DDO: variants seen among roughly 807,000 people sequenced by gnomAD.
DDO encodes the protein D-aspartate oxidase, DDO.
Under a neutral mutation model 16.8 loss-of-function variants are expected in DDO, and 16 were observed. The ratio of observed to expected loss-of-function variants is 0.95; its 90% CI spans 0.65 to 1.45. The LOEUF (loss-of-function observed/expected upper bound fraction) is 1.45. DDO is among the 40% of genes most tolerant of loss of function. The pLI is 0.00. For synonymous variants in DDO, 180 were observed against 167.2 expected (o/e 1.08, Z -0.59); for missense variants, 429 against 420.3 (o/e 1.02, Z -0.18).
intron 4 of DDO, among the ~76,000 whole-genome samples, chr6:110,396,758 A>G (rs1428568608): frequency 6.6e-6 from 1 of 152,206 alleles, no homozygotes; most frequent in Non-Finnish European, 1.5e-5. Flanking sequence ...AAAGTACTAA[A>G]TATAGCAAAT....
At chr6:110,395,371 C>G (rs1398597660) in intron 4 of DDO, among the ~76,000 whole-genome samples, 1 of 152,040 alleles carries the variant, frequency 6.6e-6, no homozygotes, top group East Asian at 1.9e-4. Flanking sequence ...GCCTGCTGGC[C>G]TTTGGACTAG....
rs371157893 is a variant in DDO at position 110,393,659 on chromosome 6, G to T, written c.459-317C>A. On this transcript the variant is annotated intron_variant, in intron 4 of 4. Coordinates refer to ENST00000368924, the MANE Select transcript of DDO (RefSeq NM_001372108.2). ...TGCTGAATAAATGCCAAGTTGATTT[G>T]GTATTTTAAATGTCCAAGCATTTCT... Among the ~76,000 whole-genome samples the T allele has an allele frequency of 1.3e-4, 20 of 152,206 alleles. No individual in the cohort carries two copies. The East Asian group carries it at 3.1e-3, about 23-fold the overall frequency.
At chr6:110,391,376 G>A (rs1773096509), downstream of DDO, among the ~76,000 whole-genome samples, 1 of 142,044 alleles carries the variant, frequency 7.0e-6, no homozygotes, top group African/African-American at 2.6e-5. Context: ...TTGAGACGGA[G>A]TCTTGCTCTG....
chr6:110,392,112 A>T lies in DDO; in HGVS notation c.*663T>A. The T allele has an allele frequency of 2.2e-6, 2 of 900,106 alleles. No individual in the cohort carries two copies. The highest frequency in any genetic ancestry group is 2.7e-6 in the Non-Finnish European group (2 of 752,080). The allele number at this position is 900,106 out of a possible 1,614,324, so 55.8% of individuals were successfully genotyped here. ...ACCATCATTACCAGCTGAGGGGAGG[A>T]AAAGCTTGCTGCTAGTACTAGGAGC... On this transcript the variant is annotated 3_prime_UTR_variant, in exon 5 of 5. Coordinates refer to ENST00000368924, the MANE Select transcript of DDO (RefSeq NM_001372108.2).
Position 110,413,355 on chromosome 6 carries a change from G to C in DDO, c.108C>G (p.Asp36Glu). 3 of 1,614,164 alleles carry C rather than the reference G, an allele frequency of 1.9e-6. No individual in the cohort carries two copies. The highest frequency in any genetic ancestry group is 1.7e-6 in the Non-Finnish European group (2 of 1,180,030). ...VPRCSVTIISDKFTPDTTSDV... is the reference protein window; with the variant it reads ...VPRCSVTIISEKFTPDTTSDV... ...CACTGGTGGTATCTGGAGTAAACTT[G>C]TCTGAAATGATGGTAACGGAGCATC... The change falls in exon 2 of 5, where the codon GAC (aspartate) becomes GAG (glutamate). Residue 36 changes from aspartate to glutamate, a missense_variant. Transcript: ENST00000368924.
intron 2 of DDO, among the ~76,000 whole-genome samples, 159 bp downstream of exon 2, chr6:110,413,132 G>A (rs190289180): frequency 6.6e-6 from 1 of 152,056 alleles, no homozygotes; most frequent in East Asian, 1.9e-4. Context: ...GACAGAGTGA[G>A]ACCCTGTCTC....
chr6:110,408,514 C>A, intron 2 of DDO, 72 bp from the exon 3 acceptor site: 4 of 1,376,506 alleles, frequency 2.9e-6, no homozygotes, highest in Admixed American at 2.1e-5. Flanking sequence ...CAAATAAGCT[C>A]CTTCCTAGAA....
rs184244318 is a variant in DDO, at chr6:110,392,478, C to A, written c.*297G>T. The A allele has an allele frequency of 7.3e-6, 8 of 1,101,382 alleles. No individual in the cohort carries two copies. Among genetic ancestry groups the A allele is most frequent in the Non-Finnish European group, 6.6e-6 (6 of 906,354 alleles). 68.2% of individuals were successfully genotyped at this position (1,101,382 alleles called of 1,614,324 possible). ...ATGCTGGACTTCCTAAGTAAGCCTA[C>A]ATGTTGCATCATTTCTTTTGTTGTT... On this transcript the variant is annotated 3_prime_UTR_variant, in exon 5 of 5. Coordinates refer to ENST00000368924, the MANE Select transcript of DDO (RefSeq NM_001372108.2).
At chr6:110,397,407 T>C (rs1195277154) in intron 4 of DDO, among the ~76,000 whole-genome samples, 1 of 152,232 alleles carries the variant, frequency 6.6e-6, no homozygotes. Flanking sequence ...TTTTAAATTC[T>C]TACATTGTAG....
intron 2 of DDO, among the ~76,000 whole-genome samples, chr6:110,409,316 G>A (rs550721083): frequency 7.9e-5 from 12 of 152,334 alleles, no homozygotes; most frequent in Non-Finnish European, 1.0e-4. Flanking sequence ...GTATGTGGCC[G>A]TCTGATTCCT....
Position 110,392,968 on chromosome 6 carries a change from C to T in DDO, c.833G>A (p.Arg278Lys), listed in dbSNP as rs910427522. 2.5e-6 allele frequency: 4 copies of T among 1,613,514 alleles called. No individual in the cohort carries two copies. Among genetic ancestry groups the T allele is most frequent in the Admixed American group, 1.7e-5 (1 of 60,000 alleles). The change falls in exon 5 of 5, where the codon AGG becomes AAG. Residue 278 changes from arginine (R) to lysine (K), a missense_variant. Coordinates refer to ENST00000368924, the MANE Select transcript of DDO (RefSeq NM_001372108.2). Reference sequence around the variant, plus strand: ...CAGTCGCACGCCTGGCCTGTAGGGCCTCAAGCCCACCTTCTCCCTGATGTT... The same window carrying T: ...CAGTCGCACGCCTGGCCTGTAGGGCTTCAAGCCCACCTTCTCCCTGATGTT... ...ACNIREKVGL[R>K]PYRPGVRLQT...
At chr6:110,399,767 A>G (rs978928508) in intron 4 of DDO, among the ~76,000 whole-genome samples, 1 of 152,236 alleles carries the variant, frequency 6.6e-6, no homozygotes, top group South Asian at 2.1e-4. Context: ...GCCAGGTCTC[A>G]GGAGCACAAG....
At chr6:110,406,818 G>A (rs1773673202) in intron 3 of DDO, among the ~76,000 whole-genome samples, 2 of 151,992 alleles carry the variant, frequency 1.3e-5, no homozygotes, top group Non-Finnish European at 2.9e-5. Flanking sequence ...CCTTGATCTG[G>A]ATGGCTTCTC....
intron 4 of DDO, among the ~76,000 whole-genome samples, chr6:110,398,381 C>A (rs1582474508): frequency 9.3e-6 from 1 of 107,622 alleles, no homozygotes; most frequent in Admixed American, 1.0e-4. Flanking sequence ...ATCTTAAATG[C>A]GTACACACAC....
rs756093969 is a variant in DDO, at chr6:110,413,456, T to C, written c.7A>G (p.Thr3Ala). ...GCCCCGACAACTGCAATCCGTGCTG[T>C]GTCCATGAGCCTGTGAGGAGGGAAA... MD[T>A]ARIAVVGAGV... Residue 3 changes from threonine to alanine, a missense_variant, in exon 2 of 5, where the codon ACA (threonine) becomes GCA (alanine). Transcript: ENST00000368924. 35 of 1,613,284 alleles carry C rather than the reference T, an allele frequency of 2.2e-5. No homozygotes were observed. In the East Asian group the frequency reaches 5.3e-4, roughly 25 times the overall value.
chr6:110,393,218 T>C lies in DDO; in HGVS notation c.583A>G (p.Lys195Glu), dbSNP rs780144791. The change falls in exon 5 of 5, where the codon AAG becomes GAG. Residue 195 changes from lysine to glutamate, a missense_variant. Transcript: ENST00000368924. ...LGSRQLAGDS[K>E]IFPVRGQVLQ... Reference sequence around the variant, plus strand: ...ACTTGGCCCCTTACAGGGAAAATCTTTGAGTCTCCTGCAAGCTGTCTGCTT... The same window carrying C: ...ACTTGGCCCCTTACAGGGAAAATCTCTGAGTCTCCTGCAAGCTGTCTGCTT... The C allele has an allele frequency of 7.4e-6, 12 of 1,614,246 alleles. No homozygotes were observed. Among genetic ancestry groups the C allele is most frequent in the Non-Finnish European group, 1.0e-5 (12 of 1,180,040 alleles).
intron 4 of DDO, among the ~76,000 whole-genome samples, chr6:110,400,184 G>A (rs890857847): frequency 2.0e-5 from 3 of 152,252 alleles, no homozygotes; most frequent in African/African-American, 7.2e-5. Flanking sequence ...AGAGATGATG[G>A]AACTACGGGG....
At chr6:110,388,735 G>A, downstream of DDO, 2 of 915,494 alleles carry the variant, frequency 2.2e-6, no homozygotes, top group Non-Finnish European at 2.6e-6. Context: ...CACAGACACA[G>A]CAGGCAGACA....
In DDO at chr6:110,392,349, A is replaced by G; in HGVS notation, c.*426T>C. On this transcript the variant is annotated 3_prime_UTR_variant, in exon 5 of 5. Coordinates refer to ENST00000368924, the MANE Select transcript of DDO (RefSeq NM_001372108.2). ...TATCAAAATCTCTATAGCTTCCAAC[A>G]TTCATATAAATCTGCATAGGTCCTT... 1 of 987,440 alleles carries G rather than the reference A, an allele frequency of 1.0e-6. No individual in the cohort carries two copies. Among genetic ancestry groups the G allele is most frequent in the Non-Finnish European group, 1.2e-6 (1 of 831,386 alleles). 61.2% of individuals were successfully genotyped at this position (987,440 alleles called of 1,614,324 possible). A position where few individuals can be genotyped will look rare whatever the true frequency, so the allele number is the denominator to read the frequency against.
Sources: gnomAD v4.1 joint callset for allele counts (sites outside exome capture counted in the v4.1 genomes callset) on GRCh38, gnomAD v4.1.1 for gene constraint, MANE v1.5 for transcripts, NCBI Gene and HGNC (gene_info 2026-07-23, HGNC 2026-07-21) for gene names.